Variants in WDFY4 observed in about 807,000 individuals in gnomAD.
WDFY4 encodes the protein WD repeat- and FYVE domain-containing protein 4.
Under a neutral mutation model 351.9 loss-of-function variants are expected in WDFY4, and 169 were observed. The ratio of observed to expected loss-of-function variants is 0.48; its 90% CI spans 0.42 to 0.55. The LOEUF (loss-of-function observed/expected upper bound fraction) is 0.55, where lower values mean the gene tolerates loss of function less well. Among genes scored for constraint, WDFY4 ranks in the 20% least tolerant of loss-of-function variants. WDFY4 has a pLI of 0.00. For missense variants in WDFY4, 3,803 were observed against 3,935.6 expected, an observed-to-expected ratio of 0.97 and a Z score of 0.90; for synonymous variants, 1,622 against 1,574.6, an observed-to-expected ratio of 1.03 and a Z score of -0.71.
chr10:48,760,387 G>T lies in WDFY4; in HGVS notation c.2500G>T (p.Val834Leu), dbSNP rs183019587. The change falls in exon 13 of 62, where the codon GTG (valine) becomes TTG (leucine). Residue 834 changes from valine to leucine, a missense_variant. Transcript: ENST00000325239. ...GDAAIMHPGVVCIMVRLLPRL... is the reference protein window; with the variant it reads ...GDAAIMHPGVLCIMVRLLPRL... ...TGCTGCAATCATGCATCCCGGGGTC[G>T]TGTGCATCATGGTGAGGCTGCTGCC... 1 of 1,551,658 alleles carries T rather than the reference G, an allele frequency of 6.4e-7. No individual in the cohort carries two copies. Among genetic ancestry groups the T allele is most frequent in the Admixed American group, 2.0e-5 (1 of 51,006 alleles).
At position 48,766,154 on chromosome 10, in the gene WDFY4, T is replaced by C. The variant is rs186297069; in HGVS notation, c.2553+5714T>C. Among the ~76,000 whole-genome samples, 4 of 152,356 alleles carry C rather than the reference T, an allele frequency of 2.6e-5. No individual in the cohort carries two copies. The East Asian group carries it at 5.8e-4, about 22-fold the overall frequency. On this transcript the variant is annotated intron_variant, in intron 13 of 61. Coordinates refer to ENST00000325239, the MANE Select transcript of WDFY4 (RefSeq NM_001394531.1). ...TCTTGCTTTGTTAAATTATAACACA[T>C]TGGACATCCCAAATACATTCAAAAT...
Position 48,826,012 on chromosome 10 carries a change from C to T in WDFY4, c.5983-659C>T, listed in dbSNP as rs78968595. Among the ~76,000 whole-genome samples the T allele has an allele frequency of 6.6e-5, 10 of 152,236 alleles. No individual in the cohort carries two copies. In the East Asian group the frequency reaches 1.2e-3, roughly 18 times the overall value. ...TTGTTGCAACTGCTTTTGACATTTTCGTCATGAAATCTTTGCCTATGCCTA... is the reference window on the plus strand; with the variant it reads ...TTGTTGCAACTGCTTTTGACATTTTTGTCATGAAATCTTTGCCTATGCCTA... On this transcript the variant is annotated intron_variant, in intron 35 of 61. Transcript: ENST00000325239.
Position 48,943,394 on chromosome 10 carries a change from A to T in WDFY4, c.7694A>T (p.Asn2565Ile). Residue 2565 changes from asparagine (N) to isoleucine (I), a missense_variant, in exon 49 of 62, where the codon AAT becomes ATT. By Grantham distance (149) the Asn-to-Ile change is moderately radical (BLOSUM62 -3). Transcript: ENST00000325239. ...YLNTAAGRTC[N>I]DYMQYPVFPW... is the part of the protein sequence containing the mutation. ...AACACCGCGGCTGGGAGAACCTGCA[A>T]TGACTACATGCAGTACCCAGTGTTC... The T allele has an allele frequency of 6.4e-7, 1 of 1,551,808 alleles. No homozygotes were observed. Among genetic ancestry groups the T allele is most frequent in the South Asian group, 1.2e-5 (1 of 84,064 alleles).
In WDFY4 at chr10:48,982,656, A is replaced by G. The variant is rs892234396; in HGVS notation, c.*81A>G. The stretch of plus-strand genomic sequence containing the variant: ...GGTGACTGGGGCCTGAGCTCTGCCT[A>G]CAGAAGAAACCCCCAGGGCCTCCTT... On this transcript the variant is annotated 3_prime_UTR_variant, in exon 62 of 62. Transcript: ENST00000325239. The G allele has an allele frequency of 1.4e-5, 20 of 1,410,690 alleles. No homozygotes were observed. The highest frequency in any genetic ancestry group is 1.8e-4 in the Middle Eastern group (1 of 5,636). 87.4% of individuals were successfully genotyped at this position (1,410,690 alleles called of 1,614,324 possible). A position where few individuals can be genotyped will look rare whatever the true frequency, so the allele number is the denominator to read the frequency against.
intron 1 of WDFY4, among the ~76,000 whole-genome samples, chr10:48,697,054 G>A (rs1390911886): frequency 6.6e-6 from 1 of 152,234 alleles, no homozygotes; most frequent in South Asian, 2.1e-4. Flanking sequence ...AGAGGGACTA[G>A]GTTCAGGGTG....
intron 55 of WDFY4, chr10:48,967,123 C>G (rs1842120779): frequency 6.4e-6 from 1 of 155,478 alleles, no homozygotes; most frequent in Admixed American, 6.4e-5. Context: ...GGGGACTAAG[C>G]TAAGCACTCT....
At chr10:48,923,506 A>ATATATATATATATGTATGTATGTATG (rs143983467) in intron 47 of WDFY4, among the ~76,000 whole-genome samples, 1 of 115,108 alleles carries the variant, frequency 8.7e-6, no homozygotes, top group Admixed American at 1.0e-4. Flanking sequence ...GTATATATAT[A>ATATATATATATATGTATGTATGTATG]TATATATGTC....
At position 48,908,773 on chromosome 10, in the gene WDFY4, G is replaced by A. The variant is rs1021883290; in HGVS notation, c.7586+6910G>A. Among the ~76,000 whole-genome samples, 3 of 152,132 alleles carry A rather than the reference G, an allele frequency of 2.0e-5. 1 individual carries two copies. In the South Asian group the frequency reaches 6.2e-4, roughly 31 times the overall value. Reference sequence around the variant, plus strand: ...AGCACAATTTCAGAACCAGGACACTGACACTGGTACATGTGTATGCGTAGC... The same window carrying A: ...AGCACAATTTCAGAACCAGGACACTAACACTGGTACATGTGTATGCGTAGC... On this transcript the variant is annotated intron_variant, in intron 47 of 61. Transcript: ENST00000325239.
intron 47 of WDFY4, chr10:48,913,568 C>T (rs772132470): frequency 6.2e-7 from 1 of 1,614,044 alleles, no homozygotes; most frequent in South Asian, 1.1e-5. Flanking sequence ...CATACAAGTT[C>T]TCCAGCCTCC....
chr10:48,726,980 A>G (rs1589464048), intron 6 of WDFY4, among the ~76,000 whole-genome samples: 1 of 150,454 alleles, frequency 6.6e-6, no homozygotes, highest in South Asian at 2.1e-4. Context: ...AATGGGCCAC[A>G]CCCTCCTTCC....
chr10:48,973,903 C>CT (rs145653909), intron 57 of WDFY4, among the ~76,000 whole-genome samples: 4,345 of 152,326 alleles, frequency 0.029, 219 homozygotes, highest in African/African-American at 0.1. Flanking sequence ...GAATCCAGAC[C>CT]TATCAGACTC....
At chr10:48,735,598 C>A (rs1043862367) in intron 10 of WDFY4, among the ~76,000 whole-genome samples, 1 of 151,646 alleles carries the variant, frequency 6.6e-6, no homozygotes, top group Admixed American at 6.6e-5. Context: ...TTGAATGTAT[C>A]TCCTATGGGG....
At chr10:48,836,826 GC>G (rs2068415095) in intron 39 of WDFY4, among the ~76,000 whole-genome samples, 2 of 152,168 alleles carry the variant, frequency 1.3e-5, no homozygotes, top group Non-Finnish European at 2.9e-5. Flanking sequence ...AACTCAGGGT[GC>G]AGGCCACTTT....
At chr10:48,940,576 G>T (rs2133752571) in intron 47 of WDFY4, among the ~76,000 whole-genome samples, 1 of 152,336 alleles carries the variant, frequency 6.6e-6, no homozygotes, top group Non-Finnish European at 1.5e-5. Flanking sequence ...CATGCAGGTG[G>T]AGCAGAGAGT....
chr10:48,973,020 T>C (rs1371811061), intron 57 of WDFY4, among the ~76,000 whole-genome samples: 1 of 152,206 alleles, frequency 6.6e-6, no homozygotes, highest in Non-Finnish European at 1.5e-5. Flanking sequence ...CTTGTGGTGC[T>C]GGAGTCTCCA....
At chr10:48,752,303 G>A (rs1021422532) in intron 12 of WDFY4, among the ~76,000 whole-genome samples, 5 of 152,176 alleles carry the variant, frequency 3.3e-5, no homozygotes, top group Non-Finnish European at 5.9e-5. Flanking sequence ...TTTTAAAAAG[G>A]TCCTCTTATT....
At chr10:48,973,038 C>A (rs556490414) in intron 57 of WDFY4, among the ~76,000 whole-genome samples, 1 of 152,116 alleles carries the variant, frequency 6.6e-6, no homozygotes, top group East Asian at 1.9e-4. Context: ...CCAGGCTGGT[C>A]GGAAGGCAGC....
At chr10:48,824,670 CT>C (rs11306661) in intron 35 of WDFY4, among the ~76,000 whole-genome samples, 6,953 of 152,210 alleles carry the variant, frequency 0.046, 230 homozygotes, top group Middle Eastern at 0.11. Context: ...AGTTCCTGCC[CT>C]GTCTTCCAGG....
intron 39 of WDFY4, among the ~76,000 whole-genome samples, chr10:48,835,523 C>T (rs918529065): frequency 2.0e-5 from 3 of 152,160 alleles, no homozygotes; most frequent in South Asian, 2.1e-4. Context: ...CAGGCAGCCA[C>T]GGGGAATGTC....
Sources: gnomAD v4.1 joint callset for allele counts (sites outside exome capture counted in the v4.1 genomes callset) on GRCh38, gnomAD v4.1.1 for gene constraint, MANE v1.5 for transcripts, NCBI Gene and HGNC (gene_info 2026-07-23, HGNC 2026-07-21) for gene names.